The following VIT variants were observed in gnomAD, a reference collection of about 807,000 sequenced individuals.
VIT encodes vitrin.
A neutral mutation model predicts 78.0 loss-of-function variants in VIT; 99 were observed. The ratio of observed to expected loss-of-function variants is 1.27; its 90% CI spans 1.08 to 1.50. The LOEUF (loss-of-function observed/expected upper bound fraction) is 1.50. Ranked by LOEUF, VIT falls within the 40% of genes most tolerant of loss-of-function variation. VIT has a pLI of 0.00. For synonymous variants in VIT, 374 were observed against 334.3 expected (o/e 1.12, Z -1.29); for missense variants, 1,126 against 875.3 (o/e 1.29, Z -3.61).
chr2:36,718,811 C>T (rs536923889), intron 2 of VIT, among the ~76,000 whole-genome samples: 10 of 152,244 alleles, frequency 6.6e-5, no homozygotes, highest in Admixed American at 3.9e-4. Context: ...GCTGTATATG[C>T]CTGGCTTACT....
chr2:36,767,977 C>T (rs1349735756), intron 7 of VIT, among the ~76,000 whole-genome samples: 1 of 152,198 alleles, frequency 6.6e-6, no homozygotes, highest in African/African-American at 2.4e-5. Context: ...GAATATTTCC[C>T]ACCTGGTGCC....
In VIT at chr2:36,802,055, G is replaced by A. The variant is rs187773885; in HGVS notation, c.1162+651G>A. On this transcript the variant is annotated intron_variant, in intron 13 of 15. Coordinates refer to ENST00000379242, the MANE Select transcript of VIT (RefSeq NM_053276.4). ...GAGAATCTTGTTCCAATCAACTACC[G>A]TTGTAGTGATGATTGTGCAAAGAGA... Among the ~76,000 whole-genome samples, 177 of 152,238 alleles carry A rather than the reference G, an allele frequency of 1.2e-3. 1 individual carries two copies. The highest frequency in any genetic ancestry group is 7.2e-4 in the Admixed American group (11 of 15,290).
intron 4 of VIT, among the ~76,000 whole-genome samples, chr2:36,743,916 G>A (rs1261722351): frequency 6.6e-6 from 1 of 152,090 alleles, no homozygotes; most frequent in African/African-American, 2.4e-5. Flanking sequence ...CACCCAGGAA[G>A]TGAGCATAGT....
At chr2:36,744,714 T>G (rs1280344474) in intron 4 of VIT, among the ~76,000 whole-genome samples, 3 of 152,200 alleles carry the variant, frequency 2.0e-5, no homozygotes, top group African/African-American at 7.2e-5. Context: ...TTCTGGATAT[T>G]AGACCTTTGT....
chr2:36,724,341 T>C (rs566733189), intron 2 of VIT, among the ~76,000 whole-genome samples: 47 of 152,326 alleles, frequency 3.1e-4, no homozygotes, highest in Admixed American at 5.9e-4. Flanking sequence ...TTGACCTGCA[T>C]GGCCTCCATT....
At chr2:36,762,541 AAGTCCTT>A (rs1298534920) in intron 6 of VIT, among the ~76,000 whole-genome samples, 4 of 152,170 alleles carry the variant, frequency 2.6e-5, no homozygotes, top group Non-Finnish European at 5.9e-5. Context: ...CCCAAGTCCT[AAGTCCTT>A]AGTCTTACTT....
At chr2:36,725,190 C>G (rs977180995) in intron 2 of VIT, among the ~76,000 whole-genome samples, 2 of 152,164 alleles carry the variant, frequency 1.3e-5, no homozygotes, top group Non-Finnish European at 2.9e-5. Flanking sequence ...TTACTCAGGC[C>G]TCAGCTAGTG....
chr2:36,733,617 A>G (rs1415617366), intron 3 of VIT, among the ~76,000 whole-genome samples: 1 of 152,274 alleles, frequency 6.6e-6, no homozygotes, highest in Non-Finnish European at 1.5e-5. Flanking sequence ...ATTTACATGC[A>G]TATACAGATA....
chr2:36,721,066 T>C (rs1361062042), intron 2 of VIT, among the ~76,000 whole-genome samples: 1 of 151,966 alleles, frequency 6.6e-6, no homozygotes, highest in Non-Finnish European at 1.5e-5. Context: ...TCTGGTGATC[T>C]AATGTACAGC....
chr2:36,708,401 A>G (rs1665585750), intron 1 of VIT, among the ~76,000 whole-genome samples: 1 of 152,216 alleles, frequency 6.6e-6, no homozygotes, highest in South Asian at 2.1e-4. Context: ...TGTAGATCAG[A>G]CAAACACCAA....
intron 9 of VIT, among the ~76,000 whole-genome samples, chr2:36,778,065 A>C (rs939673943): frequency 6.6e-6 from 1 of 152,150 alleles, no homozygotes; most frequent in African/African-American, 2.4e-5. Context: ...ATATAAATTC[A>C]TGCACCCCCC....
chr2:36,774,016 G>T (rs1261708859), intron 8 of VIT, among the ~76,000 whole-genome samples, 169 bp downstream of exon 8: 1 of 152,166 alleles, frequency 6.6e-6, no homozygotes, highest in Non-Finnish European at 1.5e-5. Flanking sequence ...AACATGTAAA[G>T]AAGTGGTTAA....
intron 1 of VIT, among the ~76,000 whole-genome samples, chr2:36,710,750 T>C (rs1411355563): frequency 6.6e-6 from 1 of 152,248 alleles, no homozygotes; most frequent in African/African-American, 2.4e-5. Flanking sequence ...TTCCTTTTTA[T>C]TGCTGAGTAG....
chr2:36,745,949 G>T (rs2148524097), intron 4 of VIT, among the ~76,000 whole-genome samples: 1 of 152,204 alleles, frequency 6.6e-6, no homozygotes, highest in South Asian at 2.1e-4. Context: ...ATTTGTCATA[G>T]ATAGCTCTTA....
intron 1 of VIT, among the ~76,000 whole-genome samples, chr2:36,699,607 G>GATAGAT (rs781050209): frequency 0.036 from 4,268 of 116,982 alleles, 83 homozygotes; most frequent in East Asian, 0.069. Flanking sequence ...TATAGATATA[G>GATAGAT]ATATAGATAG....
At chr2:36,764,813 C>T (rs1669322425) in intron 6 of VIT, among the ~76,000 whole-genome samples, 1 of 152,082 alleles carries the variant, frequency 6.6e-6, no homozygotes, top group Non-Finnish European at 1.5e-5. Context: ...CCCCACCACA[C>T]ATTTGTTTGC....
intron 6 of VIT, among the ~76,000 whole-genome samples, chr2:36,762,268 T>C (rs1669170072): frequency 6.6e-6 from 1 of 152,196 alleles, no homozygotes; most frequent in African/African-American, 2.4e-5. Context: ...GAGCCAAGCA[T>C]TGCTGATGTC....
Position 36,808,922 on chromosome 2 carries a change from C to A in VIT, c.1840C>A (p.Leu614Ile). Reference sequence around the variant, plus strand: ...GCCCAACAAGAGGAAGTTAATGATCCTCATCACCGACGGGAGGTCCTACGA... The same window carrying A: ...GCCCAACAAGAGGAAGTTAATGATCATCATCACCGACGGGAGGTCCTACGA... ...SKPNKRKLMI[L>I]ITDGRSYDDV... Residue 614 changes from leucine (L) to isoleucine (I), a missense_variant, in exon 15 of 16, where the codon CTC becomes ATC. Physicochemically the swap from Leu to Ile is conservative, Grantham distance 5. Coordinates refer to ENST00000379242, the MANE Select transcript of VIT (RefSeq NM_053276.4). 2 of 1,613,684 alleles carry A rather than the reference C, an allele frequency of 1.2e-6. No individual in the cohort carries two copies. Among genetic ancestry groups the A allele is most frequent in the East Asian group, 2.2e-5 (1 of 44,864 alleles).
intron 1 of VIT, among the ~76,000 whole-genome samples, chr2:36,704,083 G>A (rs1665256435): frequency 6.6e-6 from 1 of 151,964 alleles, no homozygotes. Flanking sequence ...ACGCCACCAT[G>A]CCTGGCTAAT....
Sources: gnomAD v4.1 joint callset for allele counts (sites outside exome capture counted in the v4.1 genomes callset) on GRCh38, gnomAD v4.1.1 for gene constraint, MANE v1.5 for transcripts, NCBI Gene and HGNC (gene_info 2026-07-23, HGNC 2026-07-21) for gene names.